Variants in RALB observed in about 807,000 individuals in gnomAD.
RALB encodes RAS like proto-oncogene B.
Under a neutral mutation model 21.3 loss-of-function variants are expected in RALB, and 16 were observed. The ratio of observed to expected loss-of-function variants is 0.75; its 90% CI spans 0.51 to 1.14. The LOEUF is 1.14. Among genes scored for constraint, RALB ranks in the 50% most tolerant of loss-of-function variants. The pLI is 0.00. For synonymous variants in RALB, 93 were observed against 96.1 expected (o/e 0.97, Z 0.19); for missense variants, 161 against 256.2 (o/e 0.63, Z 2.54).
chr2:120,290,220 C>T (rs1164904115), intron 4 of RALB, among the ~76,000 whole-genome samples: 2 of 152,134 alleles, frequency 1.3e-5, no homozygotes, highest in East Asian at 3.8e-4. Flanking sequence ...AATTCCTGGG[C>T]TCAAGTGATC....
chr2:120,245,297 C>T lies in RALB; in HGVS notation c.19+5172C>T, dbSNP rs547623646. ...TTGCTTTCAGGCTTGGTCTGCCTCTCACCAGCTGCGTGATTTTGGAAAGAC... is the reference window on the plus strand; with the variant it reads ...TTGCTTTCAGGCTTGGTCTGCCTCTTACCAGCTGCGTGATTTTGGAAAGAC... On this transcript the variant is annotated intron_variant, in intron 1 of 3. Coordinates refer to the RALB transcript ENST00000447591. 2.6e-4 allele frequency among the ~76,000 whole-genome samples: 40 copies of T among 152,324 alleles called. No homozygotes were observed. The South Asian group carries it at 7.7e-3, about 29-fold the overall frequency.
intron 1 of RALB, among the ~76,000 whole-genome samples, chr2:120,257,481 C>T (rs559231852): frequency 1.2e-3 from 176 of 150,462 alleles, no homozygotes; most frequent in African/African-American, 4.3e-3. Context: ...CCTCTAAGTC[C>T]CTTCCATCTC....
intron 4 of RALB, among the ~76,000 whole-genome samples, chr2:120,291,562 AC>A (rs1201657646): frequency 6.6e-6 from 1 of 152,158 alleles, no homozygotes; most frequent in Non-Finnish European, 1.5e-5. Flanking sequence ...CCAAACAGGA[AC>A]CAGCAGAGAC....
At chr2:120,249,919 G>A (rs1049568723), upstream of RALB, among the ~76,000 whole-genome samples, 4 of 152,162 alleles carry the variant, frequency 2.6e-5, no homozygotes, top group African/African-American at 9.7e-5. Context: ...GCAGTACCAA[G>A]CTTTCTTCTG....
At chr2:120,287,336 A>G (rs1274952975) in intron 3 of RALB, among the ~76,000 whole-genome samples, 2 of 152,230 alleles carry the variant, frequency 1.3e-5, no homozygotes, top group Admixed American at 6.5e-5. Context: ...CTTTTCTGGA[A>G]GCAGAGTGCG....
chr2:120,274,582 A>T (rs952907924), intron 1 of RALB, among the ~76,000 whole-genome samples: 3 of 152,180 alleles, frequency 2.0e-5, no homozygotes, highest in Non-Finnish European at 2.9e-5. Flanking sequence ...CTACATAAAT[A>T]ATGGCCTCAA....
Position 120,293,319 on chromosome 2 carries a change from G to C in RALB, c.*59G>C. 1 of 1,511,872 alleles carries C rather than the reference G, an allele frequency of 6.6e-7. No individual in the cohort carries two copies. The highest frequency in any genetic ancestry group is 2.2e-5 in the Admixed American group (1 of 45,024). 93.7% of individuals were successfully genotyped at this position (1,511,872 alleles called of 1,614,324 possible). A position where few individuals can be genotyped will look rare whatever the true frequency, so the allele number is the denominator to read the frequency against. On this transcript the variant is annotated 3_prime_UTR_variant, in exon 5 of 5. Coordinates refer to ENST00000272519, the MANE Select transcript of RALB (RefSeq NM_002881.3). The stretch of plus-strand genomic sequence containing the variant: ...AAGGACACAGGGCTGGGTTGGTAAA[G>C]AGAAGGCTATGGTTGACTTCTTGCT...
intron 1 of RALB, among the ~76,000 whole-genome samples, chr2:120,267,938 C>T (rs948567374): frequency 1.4e-4 from 21 of 152,004 alleles, no homozygotes; most frequent in African/African-American, 4.6e-4. Context: ...ATTACAGGCA[C>T]GAGCCACCAT....
chr2:120,260,436 G>A (rs897178424), intron 1 of RALB, among the ~76,000 whole-genome samples: 4 of 152,256 alleles, frequency 2.6e-5, no homozygotes, highest in Non-Finnish European at 5.9e-5. Flanking sequence ...CCAGTGGGCA[G>A]GGGCAGCAGC....
chr2:120,263,527 T>A (rs1003336665), intron 1 of RALB, among the ~76,000 whole-genome samples: 19 of 152,218 alleles, frequency 1.2e-4, no homozygotes, highest in Non-Finnish European at 1.5e-5. Context: ...CTTCGTTTAA[T>A]CTTCATAACA....
At chr2:120,277,719 G>T (rs915297927) in intron 1 of RALB, among the ~76,000 whole-genome samples, 6 of 151,532 alleles carry the variant, frequency 4.0e-5, no homozygotes, top group African/African-American at 1.5e-4. Context: ...GTGATAGTGC[G>T]TGTGTGATAG....
In RALB at chr2:120,285,871, C is replaced by T. The variant is rs1437551862; in HGVS notation, c.115-3C>T. ...TAATTACCGATAATGTTTATTTCCT[C>T]AGTTTGTAGAAGACTATGAACCTAC... is the stretch of plus-strand genomic sequence containing the variant. On this transcript the variant is annotated splice_region_variant and splice_polypyrimidine_tract_variant and intron_variant, in intron 2 of 4. Coordinates refer to ENST00000272519, the MANE Select transcript of RALB (RefSeq NM_002881.3). The T allele has an allele frequency of 6.2e-7, 1 of 1,610,532 alleles. No homozygotes were observed.
chr2:120,270,289 C>A (rs1244591934), intron 1 of RALB, among the ~76,000 whole-genome samples: 1 of 152,072 alleles, frequency 6.6e-6, no homozygotes, highest in East Asian at 1.9e-4. Flanking sequence ...TTACTGCTTC[C>A]TGTTGGGAAC....
chr2:120,261,782 T>C (rs1439793007), intron 1 of RALB, among the ~76,000 whole-genome samples: 1 of 152,122 alleles, frequency 6.6e-6, no homozygotes, highest in Non-Finnish European at 1.5e-5. Context: ...GAGGGTCTTG[T>C]TATGCAGAGA....
intron 1 of RALB, among the ~76,000 whole-genome samples, chr2:120,242,165 A>G (rs1213214044): frequency 6.6e-6 from 1 of 152,186 alleles, no homozygotes; most frequent in East Asian, 1.9e-4. Context: ...TGAAAAGACA[A>G]ATACTGTATG....
In RALB at chr2:120,293,441, CAAGTGG is replaced by C. The variant is rs1437659361; in HGVS notation, c.*185_*190del. The C allele has an allele frequency of 2.0e-6, 1 of 496,782 alleles. No individual in the cohort carries two copies. The highest frequency in any genetic ancestry group is 3.2e-6 in the Non-Finnish European group (1 of 317,114). The allele number at this position is 496,782 out of a possible 1,614,324, so 30.8% of individuals were successfully genotyped here. A position where few individuals can be genotyped will look rare whatever the true frequency, so the allele number is the denominator to read the frequency against. On this transcript the variant is annotated 3_prime_UTR_variant, in exon 5 of 5. Transcript: ENST00000272519. ...GGCTGGCAGAAGAAATAAGCCCATG[CAAGTGG>C]AAGGGCTGCTTTGTCAGGAGGTTGT...
intron 1 of RALB, among the ~76,000 whole-genome samples, chr2:120,257,504 G>T (rs577453062): frequency 2.3e-3 from 208 of 89,736 alleles, no homozygotes; most frequent in Admixed American, 6.0e-3. Context: ...AAAATTCTAT[G>T]ATCCTTATTT....
In RALB at chr2:120,294,512, C is replaced by T. The variant is rs977658822; in HGVS notation, c.*1252C>T. The T allele has an allele frequency of 3.9e-5, 14 of 362,202 alleles. No homozygotes were observed. Among genetic ancestry groups the T allele is most frequent in the Admixed American group, 2.3e-4 (5 of 21,576 alleles). The allele number at this position is 362,202 out of a possible 1,614,324, so 22.4% of individuals were successfully genotyped here. On this transcript the variant is annotated 3_prime_UTR_variant, in exon 5 of 5. Coordinates refer to ENST00000272519, the MANE Select transcript of RALB (RefSeq NM_002881.3). ...AGCACTGTGGGAAGAGCCCAGTATTCACATTTTTTCCCCATTTTTCAGAAG... is the reference window on the plus strand; with the variant it reads ...AGCACTGTGGGAAGAGCCCAGTATTTACATTTTTTCCCCATTTTTCAGAAG...
chr2:120,243,829 G>T lies in RALB; in HGVS notation c.19+3704G>T, dbSNP rs1228171476. 2.0e-5 allele frequency among the ~76,000 whole-genome samples: 3 copies of T among 152,278 alleles called. No individual in the cohort carries two copies. In the East Asian group the frequency reaches 5.8e-4, roughly 29 times the overall value. On this transcript the variant is annotated intron_variant, in intron 1 of 3. Coordinates refer to the RALB transcript ENST00000447591. ...TTCATGTGGCAAGTCTAGTCTTAGG[G>T]CTGTGTCCATTAGAGAAGGGGCAGT...
Sources: allele counts gnomAD v4.1 joint callset (sites outside exome capture counted in the v4.1 genomes callset), GRCh38; gene constraint gnomAD v4.1.1; transcripts MANE v1.5; gene names NCBI Gene and HGNC (gene_info 2026-07-23, HGNC 2026-07-21).